Variants in PFDN2 observed in about 807,000 individuals in gnomAD.
PFDN2 encodes prefoldin 2.
PFDN2 carries 7 observed loss-of-function variants against 18.3 expected under a neutral mutation model. That is an observed-to-expected ratio of 0.38 (90% confidence interval 0.22 to 0.72). The LOEUF is 0.72. Among genes scored for constraint, PFDN2 ranks in the 30% least tolerant of loss-of-function variants. The probability of loss-of-function intolerance (pLI) is 0.47; values close to 1 mark genes in which losing one functional copy is unlikely to be tolerated. For missense variants in PFDN2, 181 were observed against 199.1 expected (o/e 0.91, Z 0.55); for synonymous variants, 76 against 75.0 (o/e 1.01, Z -0.07).
intron 1 of PFDN2, among the ~76,000 whole-genome samples, chr1:161,102,789 C>T (rs1308627624): frequency 4.6e-5 from 7 of 152,066 alleles, no homozygotes; most frequent in Middle Eastern, 3.4e-3. Flanking sequence ...GAAACTCTGT[C>T]GCTACTAAAA....
chr1:161,115,166 G>A (rs542376137), intron 1 of PFDN2, among the ~76,000 whole-genome samples: 2 of 152,276 alleles, frequency 1.3e-5, no homozygotes, highest in East Asian at 1.9e-4. Context: ...GGATTCAAGC[G>A]ATTCTCCCTG....
intron 1 of PFDN2, among the ~76,000 whole-genome samples, chr1:161,103,679 G>A (rs1183730953): frequency 2.8e-5 from 2 of 71,160 alleles, no homozygotes; most frequent in South Asian, 6.1e-4. Context: ...GCAAGACTCC[G>A]TCTCAAAAAA....
At chr1:161,110,994 T>C (rs12062416) in intron 1 of PFDN2, among the ~76,000 whole-genome samples, 54,765 of 151,600 alleles carry the variant, frequency 0.36, 10,112 homozygotes, top group East Asian at 0.43. Flanking sequence ...CGCCCGCCAA[T>C]GCGCCCGGCT....
At chr1:161,110,659 G>A (rs1447644321) in intron 1 of PFDN2, among the ~76,000 whole-genome samples, 1 of 152,042 alleles carries the variant, frequency 6.6e-6, no homozygotes, top group Non-Finnish European at 1.5e-5. Flanking sequence ...ATGATTGGAT[G>A]AACCTGGAAA....
intron 1 of PFDN2, among the ~76,000 whole-genome samples, chr1:161,116,630 G>A (rs1405652644): frequency 6.6e-6 from 1 of 152,052 alleles, no homozygotes. Context: ...CCTCATATGA[G>A]CATTTTGCTT....
At chr1:161,115,236 T>C (rs1380714908) in intron 1 of PFDN2, among the ~76,000 whole-genome samples, 1 of 152,106 alleles carries the variant, frequency 6.6e-6, no homozygotes, top group Non-Finnish European at 1.5e-5. Context: ...GCTAATTTTT[T>C]TATTTTTAGT....
chr1:161,101,553 G>A (rs370909983), intron 3 of PFDN2, among the ~76,000 whole-genome samples: 2 of 152,040 alleles, frequency 1.3e-5, no homozygotes, highest in East Asian at 1.9e-4. Context: ...TAATCCAGTG[G>A]GTCTGGGAAG....
At chr1:161,110,372 A>G (rs1376877432) in intron 1 of PFDN2, among the ~76,000 whole-genome samples, 1 of 151,674 alleles carries the variant, frequency 6.6e-6, no homozygotes, top group Admixed American at 6.6e-5. Flanking sequence ...AAAAATAAAA[A>G]ATAAAATAAC....
intron 1 of PFDN2, among the ~76,000 whole-genome samples, chr1:161,110,296 G>C (rs1034281995): frequency 1.4e-5 from 2 of 146,992 alleles, no homozygotes; most frequent in Admixed American, 6.8e-5. Context: ...GGGAGGCGGG[G>C]GTTGCAATGA....
chr1:161,108,274 G>A (rs769848469), intron 1 of PFDN2, among the ~76,000 whole-genome samples: 2 of 151,726 alleles, frequency 1.3e-5, no homozygotes, highest in Non-Finnish European at 2.9e-5. Context: ...CTGACATGGT[G>A]CAACCCTGTC....
intron 1 of PFDN2, among the ~76,000 whole-genome samples, chr1:161,113,876 G>A (rs551923774): frequency 1.3e-5 from 2 of 152,326 alleles, no homozygotes; most frequent in South Asian, 4.1e-4. Flanking sequence ...ATTTGCAGCA[G>A]TGATAAATCT....
intron 1 of PFDN2, among the ~76,000 whole-genome samples, chr1:161,113,495 G>A (rs1654849569): frequency 6.6e-6 from 1 of 152,202 alleles, no homozygotes; most frequent in Non-Finnish European, 1.5e-5. Flanking sequence ...ACAGAAGGTA[G>A]GCCTGAGCGG....
At chr1:161,108,496 T>C (rs1240849708) in intron 1 of PFDN2, among the ~76,000 whole-genome samples, 1 of 145,148 alleles carries the variant, frequency 6.9e-6, no homozygotes, top group African/African-American at 2.6e-5. Context: ...ACCCAGGACA[T>C]AGAGGATGCA....
intron 1 of PFDN2, among the ~76,000 whole-genome samples, chr1:161,116,758 G>C (rs1368528771): frequency 6.6e-6 from 1 of 152,130 alleles, no homozygotes; most frequent in Non-Finnish European, 1.5e-5. Context: ...CCAGCTACTC[G>C]GGAGGCTAAG....
chr1:161,101,006 T>TG (rs1203927214), intron 3 of PFDN2, 147 bp from the exon 4 acceptor site: 2 of 586,908 alleles, frequency 3.4e-6, no homozygotes, highest in African/African-American at 1.8e-5. Context: ...ATTCCTTTCT[T>TG]GAACACAGTG....
intron 1 of PFDN2, among the ~76,000 whole-genome samples, chr1:161,109,513 T>G (rs1000111474): frequency 6.6e-6 from 1 of 152,244 alleles, no homozygotes; most frequent in African/African-American, 2.4e-5. Context: ...AAATATCTAT[T>G]TCTTTCATAG....
chr1:161,115,192 T>G (rs966293543), intron 1 of PFDN2, among the ~76,000 whole-genome samples: 5 of 152,160 alleles, frequency 3.3e-5, no homozygotes, highest in African/African-American at 1.2e-4. Flanking sequence ...GCCTCTTGGG[T>G]AGCTAGGATT....
At chr1:161,117,029 T>A (rs997276398) in intron 1 of PFDN2, among the ~76,000 whole-genome samples, 3 of 152,106 alleles carry the variant, frequency 2.0e-5, no homozygotes, top group African/African-American at 7.2e-5. Flanking sequence ...GGTCAGGAGT[T>A]GGAGACCAGC....
chr1:161,115,789 G>A (rs193197009), intron 1 of PFDN2, among the ~76,000 whole-genome samples: 1 of 152,260 alleles, frequency 6.6e-6, no homozygotes, highest in East Asian at 1.9e-4. Flanking sequence ...ATAGGTATGA[G>A]AAAAAACATA....
Sources: allele counts gnomAD v4.1 joint callset (sites outside exome capture counted in the v4.1 genomes callset), GRCh38; gene constraint gnomAD v4.1.1; transcripts MANE v1.5; gene names NCBI Gene and HGNC (gene_info 2026-07-23, HGNC 2026-07-21).